The following ZNF626 variants were observed in gnomAD, a reference collection of about 807,000 sequenced individuals.
ZNF626 encodes the protein zinc finger protein 626.
Under a neutral mutation model 11.7 loss-of-function variants are expected in ZNF626, and 4 were observed. The observed-to-expected ratio is 0.34, with a 90% CI of 0.17 to 0.78. The LOEUF is 0.78. Among genes scored for constraint, ZNF626 ranks in the 30% least tolerant of loss-of-function variants. ZNF626 has a pLI of 0.57. For synonymous variants in ZNF626, 179 were observed against 198.6 expected, an observed-to-expected ratio of 0.90 and a Z score of 0.83; for missense variants, 588 against 587.1, an observed-to-expected ratio of 1.00 and a Z score of -0.01.
intron 1 of ZNF626, among the ~76,000 whole-genome samples, chr19:20,657,251 G>A (rs112107089): frequency 2.4e-4 from 37 of 152,226 alleles, no homozygotes; most frequent in Admixed American, 6.5e-4. Flanking sequence ...TAATGCATAC[G>A]TGTGTAGTCC....
intron 1 of ZNF626, among the ~76,000 whole-genome samples, chr19:20,655,036 T>C (rs1555772953): frequency 6.6e-6 from 1 of 151,110 alleles, no homozygotes; most frequent in African/African-American, 2.4e-5. Flanking sequence ...CACTTCAACC[T>C]GGGAGGCAGC....
At chr19:20,658,266 T>G (rs374817196) in intron 1 of ZNF626, among the ~76,000 whole-genome samples, 3 of 152,066 alleles carry the variant, frequency 2.0e-5, no homozygotes, top group East Asian at 1.9e-4. Flanking sequence ...GAACCTTAGG[T>G]TGGTGGAAAA....
intron 3 of ZNF626, among the ~76,000 whole-genome samples, chr19:20,634,489 CAAT>C (rs1418653087): frequency 2.1e-5 from 3 of 141,958 alleles, no homozygotes; most frequent in Non-Finnish European, 4.7e-5. Context: ...GAGTATAAAA[CAAT>C]AATATAAATA....
At chr19:20,645,841 T>C (rs1555771862) in intron 2 of ZNF626, 62 bp from the exon 3 acceptor site, 36 of 1,312,968 alleles carry the variant, frequency 2.7e-5, no homozygotes. Context: ...AAGCTAGTAA[T>C]GTGCTCAGCA....
rs529073039 is a variant in ZNF626, at chr19:20,627,021, AAACT to A, written c.227-1375_227-1372del. ...GACAGAAAAAGACTCCATCTCAGAA[AAACT>A]AACTAAATAAATAAATTTGAATAAC... On this transcript the variant is annotated intron_variant, in intron 3 of 3. Coordinates refer to ENST00000601440, the MANE Select transcript of ZNF626 (RefSeq NM_001076675.3). 5.8e-3 allele frequency among the ~76,000 whole-genome samples: 855 copies of A among 147,542 alleles called. 11 individuals are homozygous for A. Among genetic ancestry groups the A allele is most frequent in the African/African-American group, 0.02 (813 of 39,952 alleles).
At chr19:20,657,633 C>T (rs1156925414) in intron 1 of ZNF626, among the ~76,000 whole-genome samples, 1 of 151,850 alleles carries the variant, frequency 6.6e-6, no homozygotes, top group Non-Finnish European at 1.5e-5. Context: ...ATGGAGAAAC[C>T]CCTCTCTACT....
intron 3 of ZNF626, among the ~76,000 whole-genome samples, chr19:20,636,353 A>T (rs1324631066): frequency 1.3e-5 from 2 of 152,092 alleles, no homozygotes; most frequent in African/African-American, 4.8e-5. Context: ...ATAAACTAAA[A>T]AATATATTGT....
chr19:20,652,920 T>C (rs1373521322), intron 1 of ZNF626, among the ~76,000 whole-genome samples: 1 of 152,170 alleles, frequency 6.6e-6, no homozygotes, highest in Non-Finnish European at 1.5e-5. Context: ...CTTGGGTTTG[T>C]TGGCCCCATG....
rs150160819 is a variant in ZNF626, at chr19:20,639,159, T to C, written c.226+6525A>G. On this transcript the variant is annotated intron_variant, in intron 3 of 3. Transcript: ENST00000601440. ...GGTTCTTTTAAGGAACCTACTCTCA[T>C]TTGAATCAATAGAGCATAAACTTTT... 2.7e-3 allele frequency among the ~76,000 whole-genome samples: 417 copies of C among 152,256 alleles called. 2 individuals are homozygous for C. The highest frequency in any genetic ancestry group is 9.6e-3 in the African/African-American group (400 of 41,552).
chr19:20,637,018 CAAAAAAA>C (rs74172354), intron 3 of ZNF626, among the ~76,000 whole-genome samples: 1 of 58,768 alleles, frequency 1.7e-5, no homozygotes, highest in African/African-American at 6.5e-5. Context: ...GACTCCATCT[CAAAAAAA>C]AAAAAAAAAA....
At chr19:20,642,841 A>G (rs1334214906) in intron 3 of ZNF626, among the ~76,000 whole-genome samples, 2 of 151,888 alleles carry the variant, frequency 1.3e-5, no homozygotes, top group African/African-American at 4.8e-5. Context: ...ATGAAACCCC[A>G]TCTCTACTAA....
intron 3 of ZNF626, among the ~76,000 whole-genome samples, chr19:20,630,830 ATGTT>A (rs2144769172): frequency 7.1e-6 from 1 of 140,620 alleles, no homozygotes; most frequent in African/African-American, 2.8e-5. Context: ...TAGCTTTTGA[ATGTT>A]TGCTCTTGCC....
At chr19:20,660,067 G>C (rs1970247568) in intron 1 of ZNF626, among the ~76,000 whole-genome samples, 1 of 151,920 alleles carries the variant, frequency 6.6e-6, no homozygotes, top group Admixed American at 6.6e-5. Flanking sequence ...TTCAAGACCA[G>C]CCTGACAAAC....
At chr19:20,647,184 T>C (rs183014574) in intron 1 of ZNF626, among the ~76,000 whole-genome samples, 198 of 152,256 alleles carry the variant, frequency 1.3e-3, no homozygotes, top group African/African-American at 4.3e-3. Context: ...GTAATGCCAA[T>C]GTCTTTGGCC....
intron 3 of ZNF626, chr19:20,645,339 A>C (rs979057060): frequency 1.3e-6 from 2 of 1,569,130 alleles, no homozygotes; most frequent in Non-Finnish European, 1.7e-6. Flanking sequence ...TCTCAAAATC[A>C]TGCAGACATT....
At chr19:20,659,136 G>C (rs1034407801) in intron 1 of ZNF626, among the ~76,000 whole-genome samples, 1 of 151,802 alleles carries the variant, frequency 6.6e-6, no homozygotes, top group Non-Finnish European at 1.5e-5. Context: ...TTATGACTTA[G>C]ATGGTGCTCT....
At chr19:20,633,377 C>T (rs184773509) in intron 3 of ZNF626, among the ~76,000 whole-genome samples, 18 of 127,274 alleles carry the variant, frequency 1.4e-4, no homozygotes, top group Admixed American at 3.1e-4. Flanking sequence ...GTGCCCTGCC[C>T]CCAGAGGTGG....
chr19:20,661,372 C>G, intron 1 of ZNF626, 72 bp downstream of exon 1: 1 of 1,603,544 alleles, frequency 6.2e-7, no homozygotes, highest in Non-Finnish European at 8.5e-7. Context: ...GGCCTGAGTC[C>G]CGCCACAGCC....
intron 3 of ZNF626, among the ~76,000 whole-genome samples, chr19:20,633,087 C>G (rs4809078): frequency 0.45 from 68,221 of 151,824 alleles, 16,602 homozygotes; most frequent in African/African-American, 0.64. Context: ...GCAGCGGTGG[C>G]TGCAGAACAG....
Sources: allele counts gnomAD v4.1 joint callset (sites outside exome capture counted in the v4.1 genomes callset), GRCh38; gene constraint gnomAD v4.1.1; transcripts MANE v1.5; gene names NCBI Gene and HGNC (gene_info 2026-07-23, HGNC 2026-07-21).